NUP214: variants seen among roughly 807,000 people sequenced by gnomAD.
NUP214 encodes nuclear pore complex protein Nup214.
Under a neutral mutation model 196.2 loss-of-function variants are expected in NUP214, and 79 were observed. The ratio of observed to expected loss-of-function variants is 0.40; its 90% CI spans 0.34 to 0.49. NUP214 has a LOEUF of 0.49. Ranked by LOEUF, NUP214 falls within the 20% of genes least tolerant of loss-of-function variation. The probability of loss-of-function intolerance (pLI) is 0.58; values close to 1 mark genes in which losing one functional copy is unlikely to be tolerated. For synonymous variants in NUP214, 1,020 were observed against 990.5 expected (o/e 1.03, Z -0.56); for missense variants, 2,468 against 2,539.0 (o/e 0.97, Z 0.60).
At chr9:131,148,872 A>G (rs1162737720) in intron 14 of NUP214, among the ~76,000 whole-genome samples, 1 of 152,172 alleles carries the variant, frequency 6.6e-6, no homozygotes, top group Admixed American at 6.5e-5. Flanking sequence ...TGATGAATAC[A>G]CATTCTTCAT....
intron 31 of NUP214, 199 bp from the exon 32 acceptor site, chr9:131,222,579 T>C: frequency 2.0e-6 from 1 of 491,596 alleles, no homozygotes; most frequent in Non-Finnish European, 3.5e-6. Context: ...GGTGCCAGAA[T>C]GATTAAAAAC....
At chr9:131,135,839 G>T in intron 8 of NUP214, 101 bp from the exon 9 acceptor site, 1 of 808,580 alleles carries the variant, frequency 1.2e-6, no homozygotes, top group South Asian at 1.6e-5. Context: ...CTCTCTCTTT[G>T]ACATGTGGAG....
intron 4 of NUP214, among the ~76,000 whole-genome samples, chr9:131,129,891 C>T (rs1244762768): frequency 1.3e-5 from 2 of 152,122 alleles, no homozygotes; most frequent in Admixed American, 6.6e-5. Context: ...GTGTGAGGCA[C>T]TGTGCCCGGC....
At chr9:131,189,513 T>G (rs1833543499) in intron 26 of NUP214, among the ~76,000 whole-genome samples, 1 of 152,182 alleles carries the variant, frequency 6.6e-6, no homozygotes, top group Non-Finnish European at 1.5e-5. Flanking sequence ...CGCTATTTCT[T>G]CCACTAAAAG....
At position 131,150,544 on chromosome 9, in the gene NUP214, AG is replaced by A. The variant is rs953715586; in HGVS notation, c.2128-71del. Reference sequence around the variant, plus strand: ...GCCCATCCCAGCAGTCTGAGCAGTTAGTAAGCACGATAGCAGTGACATTACT... The same window carrying A: ...GCCCATCCCAGCAGTCTGAGCAGTTATAAGCACGATAGCAGTGACATTACT... On this transcript the variant is annotated intron_variant, in intron 15 of 35. Transcript: ENST00000359428. 5.7e-6 allele frequency: 9 copies of A among 1,589,260 alleles called. No individual in the cohort carries two copies. In the Admixed American group the frequency reaches 1.4e-4, roughly 24 times the overall value.
At chr9:131,151,232 C>G (rs1181142095) in intron 16 of NUP214, among the ~76,000 whole-genome samples, 2 of 152,178 alleles carry the variant, frequency 1.3e-5, no homozygotes, top group Non-Finnish European at 2.9e-5. Context: ...AGGCACTGTG[C>G]CAAACGCATC....
chr9:131,127,822 T>C, intron 2 of NUP214, 103 bp downstream of exon 2: 2 of 851,868 alleles, frequency 2.3e-6, no homozygotes, highest in Non-Finnish European at 3.7e-6. Flanking sequence ...TGAACACTGC[T>C]GTCAGTTTGA....
chr9:131,214,284 G>A (rs778047261), intron 30 of NUP214, among the ~76,000 whole-genome samples: 17 of 152,206 alleles, frequency 1.1e-4, no homozygotes, highest in Non-Finnish European at 2.1e-4. Flanking sequence ...ACACTGAACA[G>A]CAACCATTTT....
chr9:131,163,143 C>G lies in NUP214; in HGVS notation c.2693C>G (p.Ser898Trp), dbSNP rs752238998. Residue 898 changes from serine (S) to tryptophan (W), a missense_variant, in exon 19 of 36, where the codon TCG (serine) becomes TGG (tryptophan). Coordinates refer to ENST00000359428, the MANE Select transcript of NUP214 (RefSeq NM_005085.4). ...CAGACTTCCCTGTGGAGCCTGTCCT[C>G]GGCTGTTCCTTCCCAGAGCAGCATT... The part of the protein sequence containing the change: ...YKQTSLWSLS[S>W]AVPSQSSIHS... 1 of 1,613,508 alleles carries G rather than the reference C, an allele frequency of 6.2e-7. No individual in the cohort carries two copies. Among genetic ancestry groups the G allele is most frequent in the South Asian group, 1.1e-5 (1 of 90,964 alleles).
At chr9:131,159,594 A>C in intron 18 of NUP214, 108 bp downstream of exon 18, 39 of 914,836 alleles carry the variant, frequency 4.3e-5, no homozygotes, top group Non-Finnish European at 6.6e-5. Flanking sequence ...GCGGTGGCTC[A>C]CGCCTGTAAT....
At chr9:131,191,951 T>G (rs1275315055) in intron 26 of NUP214, 1 of 322,078 alleles carries the variant, frequency 3.1e-6, no homozygotes, top group Non-Finnish European at 5.6e-6. Context: ...TTTTGATATA[T>G]TTTCTGTAAA....
intron 24 of NUP214, chr9:131,186,980 G>T (rs998589588): frequency 7.8e-6 from 2 of 254,796 alleles, no homozygotes; most frequent in African/African-American, 4.5e-5. Flanking sequence ...GAAGGGCCAG[G>T]GAGGAGGAGG....
intron 11 of NUP214, among the ~76,000 whole-genome samples, chr9:131,141,414 T>A (rs1403910218): frequency 6.6e-6 from 1 of 151,612 alleles, no homozygotes; most frequent in Non-Finnish European, 1.5e-5. Flanking sequence ...AATGCACACA[T>A]ATAAATACTA....
intron 30 of NUP214, among the ~76,000 whole-genome samples, chr9:131,206,141 C>CTTTTTTTTTTTTTTTT (rs1588166866): frequency 1.7e-4 from 4 of 23,862 alleles, no homozygotes; most frequent in African/African-American, 5.6e-4. Flanking sequence ...GAATTTTTTT[C>CTTTTTTTTTTTTTTTT]TTTTTTCTTT....
At chr9:131,132,119 C>CT (rs71389396) in intron 5 of NUP214, among the ~76,000 whole-genome samples, 18 of 114,660 alleles carry the variant, frequency 1.6e-4, no homozygotes, top group African/African-American at 3.6e-4. Context: ...TCTTTTCTTT[C>CT]TTTTTTTTTT....
Position 131,130,137 on chromosome 9 carries a change from G to GTTTTTTTTGTTTT in NUP214, c.593-621_593-620insGTTTTTTTTTTTT, listed in dbSNP as rs1554728067. 2.6e-5 allele frequency among the ~76,000 whole-genome samples: 2 copies of GTTTTTTTTGTTTT among 76,894 alleles called. 1 individual carries two copies. Among genetic ancestry groups the GTTTTTTTTGTTTT allele is most frequent in the Non-Finnish European group, 4.6e-5 (2 of 43,278 alleles). 50.4% of individuals were successfully genotyped at this position (76,894 alleles called of 152,430 possible). A position where few individuals can be genotyped will look rare whatever the true frequency, so the allele number is the denominator to read the frequency against. On this transcript the variant is annotated intron_variant, in intron 4 of 35. Coordinates refer to ENST00000359428, the MANE Select transcript of NUP214 (RefSeq NM_005085.4). ...GAGCAGGAGAATGATTTCTGGTTTTGTTTTTTTTTTTTTGTTTTTTTTTTG... is the reference window on the plus strand; with the variant it reads ...GAGCAGGAGAATGATTTCTGGTTTTGTTTTTTTTGTTTTTTTTTTTTTTTTTGTTTTTTTTTTG...
At chr9:131,128,299 C>A (rs12337410) in intron 2 of NUP214, 33 bp from the exon 3 acceptor site, 2 of 1,592,506 alleles carry the variant, frequency 1.3e-6, no homozygotes, top group East Asian at 2.2e-5. Context: ...TAGAACATAC[C>A]GTTTTCTGCT....
intron 30 of NUP214, among the ~76,000 whole-genome samples, chr9:131,205,206 G>A (rs1834044687): frequency 6.6e-6 from 1 of 152,124 alleles, no homozygotes; most frequent in African/African-American, 2.4e-5. Context: ...TAATTTTAGG[G>A]TAAAACAAGC....
chr9:131,173,980 TCAACA>T, intron 21 of NUP214, 70 bp from the exon 22 acceptor site: 1 of 1,478,694 alleles, frequency 6.8e-7, no homozygotes, highest in Middle Eastern at 1.8e-4. Flanking sequence ...TTTTTTTTTA[TCAACA>T]GTGAAAATTA....
Sources: allele counts gnomAD v4.1 joint callset (sites outside exome capture counted in the v4.1 genomes callset), GRCh38; gene constraint gnomAD v4.1.1; transcripts MANE v1.5; gene names NCBI Gene and HGNC (gene_info 2026-07-23, HGNC 2026-07-21).